The following PCP4 variants were observed in gnomAD, a reference collection of about 807,000 sequenced individuals.
The protein encoded by PCP4 is Purkinje cell protein 4.
Under a neutral mutation model 10.0 loss-of-function variants are expected in PCP4, and 8 were observed. The ratio of observed to expected loss-of-function variants is 0.80; its 90% CI spans 0.47 to 1.45. PCP4 has a LOEUF of 1.45. Ranked by LOEUF, PCP4 falls within the 40% of genes most tolerant of loss-of-function variation. The pLI is 0.00. For synonymous variants in PCP4, 21 were observed against 23.0 expected (o/e 0.91, Z 0.24); for missense variants, 54 against 74.4 (o/e 0.73, Z 1.01).
chr21:39,908,765 T>C (rs953766313), intron 2 of PCP4, among the ~76,000 whole-genome samples: 2 of 152,022 alleles, frequency 1.3e-5, no homozygotes, highest in Non-Finnish European at 2.9e-5. Flanking sequence ...GCTGTAGGTG[T>C]TGGCCTGGGT....
intron 1 of PCP4, among the ~76,000 whole-genome samples, chr21:39,870,752 G>C (rs1264100627): frequency 5.9e-5 from 9 of 152,206 alleles, no homozygotes; most frequent in Admixed American, 1.3e-4. Context: ...AGACGTTCCA[G>C]GTCACGTAAT....
intron 1 of PCP4, among the ~76,000 whole-genome samples, chr21:39,878,707 T>G (rs73371272): frequency 0.038 from 5,728 of 152,304 alleles, 365 homozygotes; most frequent in African/African-American, 0.13. Flanking sequence ...TTTCCCTTTG[T>G]GAGAGTATCT....
chr21:39,899,210 T>A (rs1392013201), intron 2 of PCP4, among the ~76,000 whole-genome samples: 1 of 152,188 alleles, frequency 6.6e-6, no homozygotes, highest in Non-Finnish European at 1.5e-5. Flanking sequence ...CCCAGGTCTC[T>A]AACTTTAGCA....
At chr21:39,914,573 CAAAAA>C (rs55775259) in intron 2 of PCP4, among the ~76,000 whole-genome samples, 1 of 118,968 alleles carries the variant, frequency 8.4e-6, no homozygotes, top group African/African-American at 3.3e-5. Context: ...AGAGCTGTCT[CAAAAA>C]AAAAAAAAAG....
intron 2 of PCP4, among the ~76,000 whole-genome samples, chr21:39,903,807 G>T (rs1157210577): frequency 6.8e-6 from 1 of 147,494 alleles, no homozygotes. Context: ...GGCGGAGCTT[G>T]CAGTGAGCCG....
chr21:39,913,753 A>G (rs2087552983), intron 2 of PCP4, among the ~76,000 whole-genome samples: 1 of 151,942 alleles, frequency 6.6e-6, no homozygotes, highest in Non-Finnish European at 1.5e-5. Context: ...TGCTTCACAG[A>G]CCCCCTTTGG....
chr21:39,888,764 C>T (rs961105434), intron 1 of PCP4, among the ~76,000 whole-genome samples: 1 of 152,202 alleles, frequency 6.6e-6, no homozygotes, highest in African/African-American at 2.4e-5. Flanking sequence ...GACCCTCGGG[C>T]CCAGCCCAGG....
chr21:39,915,149 G>A (rs1387840184), intron 2 of PCP4, among the ~76,000 whole-genome samples: 1 of 151,606 alleles, frequency 6.6e-6, no homozygotes, highest in Non-Finnish European at 1.5e-5. Flanking sequence ...TGTCCCACAA[G>A]GAGAAAAAAA....
chr21:39,907,441 G>A (rs2087517591), intron 2 of PCP4, among the ~76,000 whole-genome samples: 1 of 152,224 alleles, frequency 6.6e-6, no homozygotes, highest in Non-Finnish European at 1.5e-5. Context: ...GGAGCGGACA[G>A]ACAGGGGCTT....
intron 2 of PCP4, 138 bp from the exon 3 acceptor site, chr21:39,928,846 G>T: frequency 1.4e-6 from 1 of 720,144 alleles, no homozygotes; most frequent in South Asian, 1.9e-5. Flanking sequence ...TTGCAGATGA[G>T]CTCTTGTCCT....
chr21:39,926,733 G>C (rs1406795974), intron 2 of PCP4, among the ~76,000 whole-genome samples: 2 of 152,218 alleles, frequency 1.3e-5, no homozygotes, highest in Non-Finnish European at 2.9e-5. Flanking sequence ...CCAGGCTCAT[G>C]TGATAACATT....
chr21:39,886,266 T>G (rs1210322838), intron 1 of PCP4, among the ~76,000 whole-genome samples: 1 of 152,088 alleles, frequency 6.6e-6, no homozygotes, highest in Non-Finnish European at 1.5e-5. Context: ...ATTCAGAACC[T>G]TCTATGATAT....
chr21:39,923,302 G>C (rs1386379551), intron 2 of PCP4, among the ~76,000 whole-genome samples: 7 of 152,224 alleles, frequency 4.6e-5, no homozygotes, highest in Non-Finnish European at 1.0e-4. Flanking sequence ...AGGCAGCCTT[G>C]ATGGGCAGAA....
intron 1 of PCP4, among the ~76,000 whole-genome samples, chr21:39,879,072 G>C (rs11911033): frequency 0.037 from 5,644 of 150,802 alleles, 357 homozygotes; most frequent in African/African-American, 0.13. Context: ...TCACTGCAAA[G>C]TCCACCTCCT....
chr21:39,874,044 G>T (rs1172166097), intron 1 of PCP4, among the ~76,000 whole-genome samples: 2 of 152,082 alleles, frequency 1.3e-5, no homozygotes, highest in African/African-American at 2.4e-5. Flanking sequence ...CTCTTAACCT[G>T]CCATTTTATA....
intron 2 of PCP4, among the ~76,000 whole-genome samples, 164 bp downstream of exon 2, chr21:39,898,691 T>C (rs1358564795): frequency 6.6e-6 from 1 of 152,202 alleles, no homozygotes; most frequent in Non-Finnish European, 1.5e-5. Context: ...TGAGGTCTGG[T>C]TTTATGAAGA....
Position 39,922,308 on chromosome 21 carries a change from A to T in PCP4, c.62-6676A>T, listed in dbSNP as rs146255782. 5.1e-3 allele frequency among the ~76,000 whole-genome samples: 773 copies of T among 152,360 alleles called. 2 individuals carry two copies. The highest frequency in any genetic ancestry group is 0.018 in the African/African-American group (732 of 41,580). On this transcript the variant is annotated intron_variant, in intron 2 of 2. Transcript: ENST00000328619. ...TGAGGGAGGATCTATTTAATGCTCAATAAAGAGTGGTTTTTATTACCATTC... is the reference window on the plus strand; with the variant it reads ...TGAGGGAGGATCTATTTAATGCTCATTAAAGAGTGGTTTTTATTACCATTC...
chr21:39,918,541 A>T (rs2087579914), intron 2 of PCP4, among the ~76,000 whole-genome samples: 1 of 152,220 alleles, frequency 6.6e-6, no homozygotes, highest in South Asian at 2.1e-4. Flanking sequence ...CGCTCTTGGA[A>T]AAAGCTTTAA....
rs547155724 is a variant in PCP4, at chr21:39,908,632, G to C, written c.61+10105G>C. ...TGGCGCCCCAGGCTCTGCTCCCACT[G>C]AGCAGAGTCTCTGGATGACTCCCCA... On this transcript the variant is annotated intron_variant, in intron 2 of 2. Coordinates refer to ENST00000328619, the MANE Select transcript of PCP4 (RefSeq NM_006198.3). Among the ~76,000 whole-genome samples, 216 of 152,286 alleles carry C rather than the reference G, an allele frequency of 1.4e-3. 1 individual carries two copies. The highest frequency in any genetic ancestry group is 4.8e-3 in the African/African-American group (199 of 41,564).
Sources: allele counts gnomAD v4.1 joint callset (sites outside exome capture counted in the v4.1 genomes callset), GRCh38; gene constraint gnomAD v4.1.1; transcripts MANE v1.5; gene names NCBI Gene and HGNC (gene_info 2026-07-23, HGNC 2026-07-21).